The following PCDHGA5 variants were observed in gnomAD, a reference collection of about 807,000 sequenced individuals.
The protein encoded by PCDHGA5 is protocadherin gamma-A5.
PCDHGA5 carries 36 observed loss-of-function variants against 56.7 expected under a neutral mutation model. That is an observed-to-expected ratio of 0.64 (90% confidence interval 0.49 to 0.84). PCDHGA5 has a LOEUF of 0.84. Ranked by LOEUF, PCDHGA5 falls within the 40% of genes least tolerant of loss-of-function variation. PCDHGA5 has a pLI of 0.00. For synonymous variants in PCDHGA5, 563 were observed against 520.2 expected, an observed-to-expected ratio of 1.08 and a Z score of -1.12; for missense variants, 1,305 against 1,201.5, an observed-to-expected ratio of 1.09 and a Z score of -1.27.
At chr5:141,447,649 T>C (rs909020761) in intron 1 of PCDHGA5, among the ~76,000 whole-genome samples, 1 of 152,206 alleles carries the variant, frequency 6.6e-6, no homozygotes, top group Non-Finnish European at 1.5e-5. Context: ...TGGTAGAATT[T>C]TCCCCCCCAG....
rs200601557 is a variant in PCDHGA5, at chr5:141,432,538, G to A, written c.2422-62269G>A. 5.0e-6 allele frequency: 8 copies of A among 1,613,908 alleles called. No homozygotes were observed. The highest frequency in any genetic ancestry group is 1.7e-5 in the Admixed American group (1 of 60,012). On this transcript the variant is annotated intron_variant, in intron 1 of 3. Coordinates refer to ENST00000518069, the MANE Select transcript of PCDHGA5 (RefSeq NM_018918.3). The surrounding 1 kb of genome is among the most constrained non-coding windows in gnomAD (Gnocchi z 6.0). ...GCTACCTGGTGACCAAGGTGGTGGCGGTGGACAGAGACTCCGGCCAGAACG... is the reference window on the plus strand; with the variant it reads ...GCTACCTGGTGACCAAGGTGGTGGCAGTGGACAGAGACTCCGGCCAGAACG...
chr5:141,388,743 A>G (rs1228676619), intron 1 of PCDHGA5: 1 of 1,613,916 alleles, frequency 6.2e-7, no homozygotes, highest in Non-Finnish European at 8.5e-7. Context: ...AGCTAGCCAG[A>G]TCACCCAATT....
intron 1 of PCDHGA5, chr5:141,383,068 C>T (rs376511249): frequency 6.2e-7 from 1 of 1,613,846 alleles, no homozygotes; most frequent in African/African-American, 1.3e-5. Flanking sequence ...GCTGGAGCCC[C>T]GGGAGCTGGC....
chr5:141,389,658 G>T (rs750579245), intron 1 of PCDHGA5: 17 of 1,612,424 alleles, frequency 1.1e-5, no homozygotes, highest in Non-Finnish European at 8.5e-7. Flanking sequence ...GGTAGTGGCG[G>T]TGGACGCAGA....
At chr5:141,395,079 G>C in intron 1 of PCDHGA5, 1 of 1,614,142 alleles carries the variant, frequency 6.2e-7, no homozygotes, top group Non-Finnish European at 8.5e-7. Flanking sequence ...CTATTCCCAG[G>C]AAGTCTCCCT....
rs759737266 is a variant in PCDHGA5 at position 141,489,464 on chromosome 5, T to A, written c.2422-5343T>A. 5 of 1,614,030 alleles carry A rather than the reference T, an allele frequency of 3.1e-6. No homozygotes were observed. In the South Asian group the frequency reaches 3.3e-5, roughly 11 times the overall value. On this transcript the variant is annotated intron_variant, in intron 1 of 3. Transcript: ENST00000518069. The surrounding 1 kb of genome is among the most constrained non-coding windows in gnomAD (Gnocchi z 4.5). ...GGCTCTGAGGAGAATGGGCGCTATT[T>A]TTCCCTGAGCTTGATGAGTGGTGCC...
chr5:141,393,984 C>G (rs1176875822), intron 1 of PCDHGA5: 1 of 1,613,570 alleles, frequency 6.2e-7, no homozygotes, highest in South Asian at 1.1e-5. Flanking sequence ...TGATAATTTA[C>G]CTTTTAAATT....
At chr5:141,415,259 T>C (rs778452630) in intron 1 of PCDHGA5, 1 of 1,614,108 alleles carries the variant, frequency 6.2e-7, no homozygotes, top group Non-Finnish European at 8.5e-7. Flanking sequence ...GACCTCACTC[T>C]GTACCTGGTG....
chr5:141,404,929 G>A (rs766845913), intron 1 of PCDHGA5: 46 of 1,613,744 alleles, frequency 2.9e-5, no homozygotes, highest in Admixed American at 2.3e-4. Flanking sequence ...CCACTGTCAC[G>A]CTCACAGTAG....
In PCDHGA5 at chr5:141,476,177, C is replaced by T. The variant is rs1221752964; in HGVS notation, c.2422-18630C>T. On this transcript the variant is annotated intron_variant, in intron 1 of 3. Transcript: ENST00000518069. The surrounding 1 kb of genome is among the most constrained non-coding windows in gnomAD (Gnocchi z 7.6). ...CACCGGGAGGGTAGTGGGAGTTTTG[C>T]TTCTGCTTGGTGCCTTGAACAAGGC... 6.2e-7 allele frequency: 1 copy of T among 1,613,436 alleles called. No individual in the cohort carries two copies. Among genetic ancestry groups the T allele is most frequent in the Non-Finnish European group, 8.5e-7 (1 of 1,179,944 alleles).
intron 1 of PCDHGA5, among the ~76,000 whole-genome samples, chr5:141,465,422 G>T (rs74711061): frequency 6.6e-6 from 1 of 152,142 alleles, no homozygotes; most frequent in Non-Finnish European, 1.5e-5. Context: ...AGCACTGAAA[G>T]GTGGGCACTT....
chr5:141,418,151 G>T, intron 1 of PCDHGA5: 1 of 1,614,108 alleles, frequency 6.2e-7, no homozygotes, highest in Non-Finnish European at 8.5e-7. Flanking sequence ...AATATGCAAA[G>T]AGAGAAGAAG....
At chr5:141,405,031 C>T (rs760020802) in intron 1 of PCDHGA5, 4 of 1,613,968 alleles carry the variant, frequency 2.5e-6, no homozygotes, top group South Asian at 2.2e-5. Context: ...CCCTCTACCT[C>T]GTTGTGGCTG....
chr5:141,423,755 G>GC (rs542747697), intron 1 of PCDHGA5: 5,773 of 512,484 alleles, frequency 0.011, 63 homozygotes, highest in Non-Finnish European at 0.014. Context: ...CTGTTTGGGG[G>GC]GGGGGTGGGG....
intron 2 of PCDHGA5, among the ~76,000 whole-genome samples, chr5:141,499,265 C>T (rs1220250999): frequency 6.6e-6 from 1 of 152,128 alleles, no homozygotes; most frequent in African/African-American, 2.4e-5. Context: ...CATTTGGTCC[C>T]TAGACTGTTC....
At chr5:141,368,558 T>C (rs2149928409) in intron 1 of PCDHGA5, among the ~76,000 whole-genome samples, 1 of 152,140 alleles carries the variant, frequency 6.6e-6, no homozygotes, top group East Asian at 1.9e-4. Context: ...TAAAAGAAAA[T>C]GTTATATGCT....
rs193144866 is a variant in PCDHGA5 at position 141,382,042 on chromosome 5, T to C, written c.2421+15291T>C. ...CGGGGTTTCTCCATGTTGGTCAGGC[T>C]GGTCTCAAGCTCCCGACCTCAGGTG... On this transcript the variant is annotated intron_variant, in intron 1 of 3. Coordinates refer to ENST00000518069, the MANE Select transcript of PCDHGA5 (RefSeq NM_018918.3). 9.8e-3 allele frequency among the ~76,000 whole-genome samples: 1,492 copies of C among 152,104 alleles called. 23 individuals carry two copies. Among genetic ancestry groups the C allele is most frequent in the African/African-American group, 0.034 (1,390 of 41,456 alleles).
chr5:141,417,550 A>G, intron 1 of PCDHGA5: 1 of 326,094 alleles, frequency 3.1e-6, no homozygotes, highest in Non-Finnish European at 5.5e-6. Flanking sequence ...ATTCCTTGAA[A>G]GAGGTAGAGA....
chr5:141,410,154 A>C (rs1254712035), intron 1 of PCDHGA5: 1 of 1,612,962 alleles, frequency 6.2e-7, no homozygotes, highest in Non-Finnish European at 8.5e-7. Flanking sequence ...GACGGTGGAC[A>C]GCCGCCACTC....
Sources: gnomAD v4.1 joint callset for allele counts (sites outside exome capture counted in the v4.1 genomes callset) on GRCh38, gnomAD v4.1.1 for gene constraint, Gnocchi (gnomAD v3.1) non-coding constraint, MANE v1.5 for transcripts, NCBI Gene and HGNC (gene_info 2026-07-23, HGNC 2026-07-21) for gene names.